The following MUSK variants were observed in gnomAD, a reference collection of about 807,000 sequenced individuals.
MUSK encodes muscle associated receptor tyrosine kinase, also known as muscle, skeletal receptor tyrosine-protein kinase.
Under a neutral mutation model 88.7 loss-of-function variants are expected in MUSK, and 55 were observed. That is an observed-to-expected ratio of 0.62 (90% CI 0.50 to 0.78). MUSK has a LOEUF of 0.78. Ranked by LOEUF, MUSK falls within the 30% of genes least tolerant of loss-of-function variation. The pLI is 0.00. For synonymous variants in MUSK, 387 were observed against 391.9 expected (o/e 0.99, Z 0.15); for missense variants, 1,015 against 1,074.3 (o/e 0.94, Z 0.77).
chr9:110,744,309 C>T (rs1451910147), intron 6 of MUSK, among the ~76,000 whole-genome samples: 2 of 152,198 alleles, frequency 1.3e-5, no homozygotes, highest in Admixed American at 6.5e-5. Context: ...TTCCAGCCAG[C>T]TGGAACTATC....
At chr9:110,798,138 A>G (rs990539468) in intron 14 of MUSK, among the ~76,000 whole-genome samples, 2 of 152,196 alleles carry the variant, frequency 1.3e-5, no homozygotes, top group Non-Finnish European at 2.9e-5. Flanking sequence ...AAGTGATTCC[A>G]CTACTCTCAT....
intron 8 of MUSK, 48 bp downstream of exon 8, chr9:110,762,256 G>A (rs2077413352): frequency 7.3e-6 from 10 of 1,363,302 alleles, no homozygotes; most frequent in Non-Finnish European, 9.6e-6. Context: ...TTGTTTTGTA[G>A]GGATTTCGTT....
At chr9:110,676,000 T>G (rs1464584579) in intron 1 of MUSK, among the ~76,000 whole-genome samples, 6 of 152,130 alleles carry the variant, frequency 3.9e-5, no homozygotes, top group Non-Finnish European at 5.9e-5. Context: ...TACTATTAAT[T>G]GCTTATTTCA....
At chr9:110,788,541 A>T (rs934724763) in intron 14 of MUSK, among the ~76,000 whole-genome samples, 2 of 151,960 alleles carry the variant, frequency 1.3e-5, no homozygotes, top group African/African-American at 4.8e-5. Context: ...CTGAGGCATG[A>T]GAATCGCTTA....
At chr9:110,744,191 TCTC>T (rs899305832) in intron 6 of MUSK, among the ~76,000 whole-genome samples, 4 of 152,116 alleles carry the variant, frequency 2.6e-5, no homozygotes, top group African/African-American at 9.7e-5. Context: ...ATGGTCTTGA[TCTC>T]CTAACCTCGT....
Position 110,800,678 on chromosome 9 carries a change from G to T in MUSK, c.2300G>T (p.Arg767Leu). 1 of 1,613,968 alleles carries T rather than the reference G, an allele frequency of 6.2e-7. No homozygotes were observed. Among genetic ancestry groups the T allele is most frequent in the Non-Finnish European group, 8.5e-7 (1 of 1,179,888 alleles). The change falls in exon 15 of 15, where the codon CGT (arginine) becomes CTT (leucine). Residue 767 changes from arginine to leucine, a missense_variant. By Grantham distance (102) the Arg-to-Leu change is moderately radical (BLOSUM62 -2). Transcript: ENST00000374448. ...AATGAAAACGACGCTATCCCTATCC[G>T]TTGGATGCCACCAGAGTCCATTTTT... ...KANENDAIPI[R>L]WMPPESIFYN...
chr9:110,689,709 A>ATATTATATATAAATAT (rs1259002278), intron 3 of MUSK, among the ~76,000 whole-genome samples: 1 of 55,306 alleles, frequency 1.8e-5, no homozygotes, highest in Admixed American at 2.4e-4. Flanking sequence ...ATAAATATAT[A>ATATTATATATAAATAT]ACTATATATG....
intron 1 of MUSK, among the ~76,000 whole-genome samples, chr9:110,679,097 A>G (rs1038443942): frequency 1.9e-4 from 29 of 152,054 alleles, no homozygotes; most frequent in Non-Finnish European, 4.0e-4. Context: ...ATAAATGTAC[A>G]TTATATCTAG....
intron 5 of MUSK, among the ~76,000 whole-genome samples, chr9:110,724,817 C>T (rs2076861998): frequency 6.6e-6 from 1 of 151,822 alleles, no homozygotes; most frequent in Admixed American, 6.6e-5. Flanking sequence ...TTGAGTAGTA[C>T]TCTTTGTGCT....
chr9:110,687,671 A>AT (rs2076216041), intron 3 of MUSK, among the ~76,000 whole-genome samples: 1 of 151,878 alleles, frequency 6.6e-6, no homozygotes, highest in Non-Finnish European at 1.5e-5. Context: ...GTAAATAGAG[A>AT]TTTTCTCAGG....
intron 12 of MUSK, 114 bp from the exon 13 acceptor site, chr9:110,785,413 A>C (rs2077838826): frequency 1.1e-6 from 1 of 918,722 alleles, no homozygotes; most frequent in Admixed American, 2.6e-5. Context: ...TGGCTGCCTT[A>C]GTATAACTTG....
In MUSK at chr9:110,704,038, G is replaced by A. The variant is rs73657644; in HGVS notation, c.628+6572G>A. 1.9e-3 allele frequency among the ~76,000 whole-genome samples: 294 copies of A among 152,260 alleles called. 1 individual carries two copies. The highest frequency in any genetic ancestry group is 6.8e-3 in the African/African-American group (281 of 41,546). ...AATTAGGATAACAATAGAGTGTGGG[G>A]AAACTATCACTTTCATCTATCCTTA... On this transcript the variant is annotated intron_variant, in intron 5 of 14. Coordinates refer to ENST00000374448, the MANE Select transcript of MUSK (RefSeq NM_005592.4).
intron 5 of MUSK, among the ~76,000 whole-genome samples, chr9:110,729,412 T>C (rs2076936104): frequency 6.7e-6 from 1 of 148,994 alleles, no homozygotes; most frequent in Non-Finnish European, 1.5e-5. Context: ...TCTTCTAACC[T>C]AAAATTTGAT....
intron 6 of MUSK, among the ~76,000 whole-genome samples, chr9:110,737,349 A>T (rs1201047515): frequency 6.6e-6 from 1 of 151,812 alleles, no homozygotes; most frequent in Non-Finnish European, 1.5e-5. Flanking sequence ...TATATTTTAA[A>T]ATCAATAAAA....
At chr9:110,694,029 T>G (rs2076392921) in intron 3 of MUSK, among the ~76,000 whole-genome samples, 1 of 151,962 alleles carries the variant, frequency 6.6e-6, no homozygotes, top group Non-Finnish European at 1.5e-5. Flanking sequence ...TTTAAAGCCT[T>G]TCTTGTATTT....
At chr9:110,784,635 A>AT (rs1303810809) in intron 11 of MUSK, among the ~76,000 whole-genome samples, 180 bp from the exon 12 acceptor site, 2 of 152,158 alleles carry the variant, frequency 1.3e-5, no homozygotes, top group Non-Finnish European at 2.9e-5. Context: ...AAATTCTATT[A>AT]TTCTATAAGC....
chr9:110,762,768 C>G (rs1588006533), intron 8 of MUSK, among the ~76,000 whole-genome samples: 1 of 152,248 alleles, frequency 6.6e-6, no homozygotes, highest in Middle Eastern at 3.4e-3. Context: ...ACTTTTAAAA[C>G]TGACCTTCAT....
Position 110,747,675 on chromosome 9 carries a change from A to C in MUSK, c.788A>C (p.Asp263Ala), listed in dbSNP as rs1187474550. 3 of 1,613,692 alleles carry C rather than the reference A, an allele frequency of 1.9e-6. No homozygotes were observed. In the African/African-American group the frequency reaches 4.0e-5, roughly 22 times the overall value. Residue 263 changes from aspartate (D) to alanine (A), a missense_variant, in exon 7 of 15, where the codon GAC becomes GCC. Coordinates refer to ENST00000374448, the MANE Select transcript of MUSK (RefSeq NM_005592.4). The part of the protein sequence containing the change: ...SSGSIQESVK[D>A]RVIDSRLQLF... ...GGGTCCATTCAAGAGAGTGTGAAAG[A>C]CCGAGTGATTGACTCAAGACTGCAG... is the stretch of plus-strand genomic sequence containing the variant.
At chr9:110,757,761 C>G (rs780365281) in intron 7 of MUSK, among the ~76,000 whole-genome samples, 1 of 151,746 alleles carries the variant, frequency 6.6e-6, no homozygotes, top group East Asian at 1.9e-4. Flanking sequence ...TGTCTCCTTG[C>G]TACTTTCCTT....
Sources: allele counts gnomAD v4.1 joint callset (sites outside exome capture counted in the v4.1 genomes callset), GRCh38; gene constraint gnomAD v4.1.1; transcripts MANE v1.5; gene names NCBI Gene and HGNC (gene_info 2026-07-23, HGNC 2026-07-21).